The following EGFR variants were observed in gnomAD, a reference collection of about 807,000 sequenced individuals.
EGFR encodes epidermal growth factor receptor, also known as avian erythroblastic leukemia viral (v-erb-b) oncogene homolog.
A neutral mutation model predicts 143.0 loss-of-function variants in EGFR; 58 were observed. That is an observed-to-expected ratio of 0.41 (90% confidence interval 0.33 to 0.50). EGFR has a LOEUF of 0.50. Among genes scored for constraint, EGFR ranks in the 20% least tolerant of loss-of-function variants. The pLI is 0.39. For synonymous variants in EGFR, 613 were observed against 594.4 expected (o/e 1.03, Z -0.45); for missense variants, 1,307 against 1,579.0 (o/e 0.83, Z 2.92).
At chr7:55,180,016 G>GT (rs1254608659) in intron 19 of EGFR, 1 of 152,198 alleles carries the variant, frequency 6.6e-6, no homozygotes, top group African/African-American at 2.4e-5. Context: ...GTGTCCCCTC[G>GT]CCCCACCTTG....
intron 11 of EGFR, 45 bp downstream of exon 11, chr7:55,157,798 T>G (rs1785505106): frequency 6.3e-7 from 1 of 1,597,398 alleles, no homozygotes; most frequent in Admixed American, 1.7e-5. Context: ...ATTTGCCTTT[T>G]TAGTTGGAAA....
Position 55,025,215 on chromosome 7 carries a change from C to T in EGFR, c.88+5850C>T, listed in dbSNP as rs570303482. On this transcript the variant is annotated intron_variant, in intron 1 of 27. Coordinates refer to ENST00000275493, the MANE Select transcript of EGFR (RefSeq NM_005228.5). ...TGTTTTAGAAAGATGGCTGCAGCAG[C>T]GGTTTGGGGAATGGACTGCAGGAGT... Among the ~76,000 whole-genome samples, 72 of 152,154 alleles carry T rather than the reference C, an allele frequency of 4.7e-4. 1 individual carries two copies. Among genetic ancestry groups the T allele is most frequent in the Non-Finnish European group, 9.9e-4 (67 of 68,010 alleles).
intron 1 of EGFR, among the ~76,000 whole-genome samples, chr7:55,121,375 C>A (rs1001808828): frequency 6.6e-6 from 1 of 152,194 alleles, no homozygotes; most frequent in East Asian, 1.9e-4. Context: ...GTGCCTCTGG[C>A]AGATATCATA....
chr7:55,060,975 C>A (rs1789131740), intron 1 of EGFR, among the ~76,000 whole-genome samples: 2 of 152,172 alleles, frequency 1.3e-5, no homozygotes, highest in South Asian at 4.1e-4. Context: ...CTGCTACCTG[C>A]CAGTCTGAAA....
chr7:55,078,305 A>T (rs896714381), intron 1 of EGFR, among the ~76,000 whole-genome samples: 2 of 120,828 alleles, frequency 1.7e-5, no homozygotes, highest in South Asian at 2.8e-4. Context: ...CCCCCACCCC[A>T]CCCCACCGCC....
chr7:55,065,544 C>T (rs151006267), intron 1 of EGFR, among the ~76,000 whole-genome samples: 1,830 of 152,218 alleles, frequency 0.012, 14 homozygotes, highest in Middle Eastern at 0.061. Context: ...AGCCAGTTTC[C>T]CATTTTCAAG....
In EGFR at chr7:55,131,596, C is replaced by T. The variant is rs563921503; in HGVS notation, c.89-10690C>T. Reference sequence around the variant, plus strand: ...ACCACAGGCGGGGCGGCTTGGGCCCCTCGGACACTCCCTCTCGAAGCTGCT... The same window carrying T: ...ACCACAGGCGGGGCGGCTTGGGCCCTTCGGACACTCCCTCTCGAAGCTGCT... On this transcript the variant is annotated intron_variant, in intron 1 of 27. Coordinates refer to ENST00000275493, the MANE Select transcript of EGFR (RefSeq NM_005228.5). Among the ~76,000 whole-genome samples, 246 of 152,314 alleles carry T rather than the reference C, an allele frequency of 1.6e-3. 2 individuals are homozygous for T. The highest frequency in any genetic ancestry group is 1.3e-3 in the Non-Finnish European group (87 of 68,020).
At chr7:55,038,518 C>T (rs563901335) in intron 1 of EGFR, among the ~76,000 whole-genome samples, 1 of 152,130 alleles carries the variant, frequency 6.6e-6, no homozygotes, top group South Asian at 2.1e-4. Context: ...ACGTGTGGTC[C>T]CTGCCCTCAG....
chr7:55,123,318 A>G (rs1793323162), intron 1 of EGFR, among the ~76,000 whole-genome samples: 1 of 152,240 alleles, frequency 6.6e-6, no homozygotes, highest in Non-Finnish European at 1.5e-5. Flanking sequence ...TCTTTGAAAC[A>G]AATATCTGTG....
chr7:55,191,486 C>T (rs1232696807), intron 20 of EGFR, among the ~76,000 whole-genome samples: 3 of 152,152 alleles, frequency 2.0e-5, no homozygotes, highest in African/African-American at 7.2e-5. Flanking sequence ...ATACGAGCAC[C>T]TCTGGACTTA....
intron 1 of EGFR, among the ~76,000 whole-genome samples, chr7:55,028,479 A>T (rs983896948): frequency 3.9e-4 from 59 of 152,268 alleles, no homozygotes; most frequent in African/African-American, 1.3e-3. Flanking sequence ...AATTTTAGAA[A>T]CTTTTTCAAA....
intron 20 of EGFR, chr7:55,182,025 TGA>T (rs1786903684): frequency 5.3e-6 from 1 of 187,452 alleles, no homozygotes; most frequent in African/African-American, 2.4e-5. Context: ...AGGGCGGGGC[TGA>T]GAGAGCAGAG....
intron 20 of EGFR, 90 bp downstream of exon 20, chr7:55,181,568 A>G (rs1584239280): frequency 4.7e-6 from 7 of 1,501,794 alleles, no homozygotes; most frequent in African/African-American, 4.1e-5. Context: ...AGAGTTTGCC[A>G]TGGGGATATG....
At chr7:55,157,004 G>A (rs1785454227) in intron 10 of EGFR, 172 bp downstream of exon 10, 2 of 1,463,238 alleles carry the variant, frequency 1.4e-6, no homozygotes. Context: ...CAGGCAAAAG[G>A]GGACACGTTA....
At chr7:55,190,705 A>C (rs959262725) in intron 20 of EGFR, among the ~76,000 whole-genome samples, 1 of 152,186 alleles carries the variant, frequency 6.6e-6, no homozygotes. Context: ...TAGAAAGTAC[A>C]TGAACATCAG....
chr7:55,110,916 A>G (rs562282030), intron 1 of EGFR, among the ~76,000 whole-genome samples: 1 of 152,304 alleles, frequency 6.6e-6, no homozygotes, highest in East Asian at 1.9e-4. Context: ...GCAGAAATGA[A>G]GGGGATTCAA....
chr7:55,115,790 G>A (rs1792803746), intron 1 of EGFR, among the ~76,000 whole-genome samples: 1 of 152,192 alleles, frequency 6.6e-6, no homozygotes. Context: ...GTCTTTGCTG[G>A]GTAGTTGGAC....
At chr7:55,197,251 AT>A (rs1343674363) in intron 22 of EGFR, among the ~76,000 whole-genome samples, 4 of 151,840 alleles carry the variant, frequency 2.6e-5, no homozygotes, top group African/African-American at 4.8e-5. Flanking sequence ...ATTTCTAGGT[AT>A]TTTATTCTTT....
At chr7:55,064,516 CCAAA>C (rs1026723023) in intron 1 of EGFR, among the ~76,000 whole-genome samples, 3 of 152,198 alleles carry the variant, frequency 2.0e-5, no homozygotes, top group Non-Finnish European at 4.4e-5. Context: ...TTCATGCAAA[CCAAA>C]CAGAGATTGT....
Sources: allele counts gnomAD v4.1 joint callset (sites outside exome capture counted in the v4.1 genomes callset), GRCh38; gene constraint gnomAD v4.1.1; transcripts MANE v1.5; gene names NCBI Gene and HGNC (gene_info 2026-07-23, HGNC 2026-07-21).